Variants in MRPL10 observed in about 807,000 individuals in gnomAD.
The protein encoded by MRPL10 is large ribosomal subunit protein uL10m.
MRPL10 carries 14 observed loss-of-function variants against 19.8 expected under a neutral mutation model. That is an observed-to-expected ratio of 0.71 (90% CI 0.47 to 1.11). The LOEUF is 1.11. Among genes scored for constraint, MRPL10 ranks in the 50% least tolerant of loss-of-function variants. The pLI is 0.00. For missense variants in MRPL10, 318 were observed against 339.6 expected (o/e 0.94, Z 0.50); for synonymous variants, 129 against 139.2 (o/e 0.93, Z 0.52).
At chr17:47,825,045 G>A (rs1598034870) in intron 4 of MRPL10, among the ~76,000 whole-genome samples, 3 of 146,998 alleles carry the variant, frequency 2.0e-5, no homozygotes, top group African/African-American at 5.0e-5. Flanking sequence ...GAATCAGGAT[G>A]AGGTTGGGTA....
rs1176478447 is a variant in MRPL10 at position 47,824,212 on chromosome 17, T to C, written c.779A>G (p.Asp260Gly). 1 of 1,613,902 alleles carries C rather than the reference T, an allele frequency of 6.2e-7. No individual in the cohort carries two copies. Among genetic ancestry groups the C allele is most frequent in the Non-Finnish European group, 8.5e-7 (1 of 1,179,996 alleles). Residue 260 changes from aspartate (D) to glycine (G), a missense_variant, in exon 5 of 5, where the codon GAC becomes GGC. Physicochemically the swap from Asp to Gly is moderately conservative, Grantham distance 94 (BLOSUM62 -1). Transcript: ENST00000351111. ...GCTGGCTAAACAGGCTGGCTACGAG[T>C]CCGGAACAGTGTCAGGATCTGGCTT... is the stretch of plus-strand genomic sequence containing the variant. ...NGKPDPDTVP[D>G]S is the part of the protein sequence containing the mutation.
chr17:47,824,143 T>C lies in MRPL10; in HGVS notation c.*62A>G, dbSNP rs1465395659. On this transcript the variant is annotated 3_prime_UTR_variant, in exon 5 of 5. Transcript: ENST00000351111. ...CCCCAAGTTCTTCCACATGTCCCAT[T>C]GAGGAGAGCACAGCCAATAACGCAG... 6.8e-6 allele frequency: 11 copies of C among 1,607,600 alleles called. No individual in the cohort carries two copies. In the East Asian group the frequency reaches 2.5e-4, roughly 36 times the overall value.
rs2033468364 is a variant in MRPL10, at chr17:47,823,353, G to A, written c.*852C>T. ...TGTGGGAACAGGTATAGGGGAAGAG[G>A]ATTTTCCTAGGAAGGGAAGCAAGAG... On this transcript the variant is annotated 3_prime_UTR_variant, in exon 5 of 5. Transcript: ENST00000351111. 2 of 152,238 alleles carry A rather than the reference G, an allele frequency of 1.3e-5. No individual in the cohort carries two copies. The highest frequency in any genetic ancestry group is 6.5e-5 in the Admixed American group (1 of 15,284). 9.4% of individuals were successfully genotyped at this position (152,238 alleles called of 1,614,324 possible). A position where few individuals can be genotyped will look rare whatever the true frequency, so the allele number is the denominator to read the frequency against.
intron 4 of MRPL10, among the ~76,000 whole-genome samples, chr17:47,825,881 T>C (rs2033524035): frequency 6.6e-6 from 1 of 151,968 alleles, no homozygotes; most frequent in Admixed American, 6.6e-5. Flanking sequence ...GGCTCATGCC[T>C]GTAACCCCAG....
At position 47,824,419 on chromosome 17, in the gene MRPL10, A is replaced by C. The variant is rs1185462631; in HGVS notation, c.572T>G (p.Phe191Cys). Residue 191 changes from phenylalanine (F) to cysteine (C), a missense_variant, in exon 5 of 5, where the codon TTT (phenylalanine) becomes TGT (cysteine). Coordinates refer to ENST00000351111, the MANE Select transcript of MRPL10 (RefSeq NM_145255.4). ...IDDTILSRQG[F>C]INYSKLPSLP... ...GCTGGGGAGCTTGGAGTAGTTGATA[A>C]AGCCCTGCCTGCTGAGGATGGTGTC... The C allele has an allele frequency of 2.5e-6, 4 of 1,576,096 alleles. No individual in the cohort carries two copies. Among genetic ancestry groups the C allele is most frequent in the Non-Finnish European group, 3.4e-6 (4 of 1,159,732 alleles).
chr17:47,828,270 C>T (rs2033567396), intron 2 of MRPL10: 3 of 381,168 alleles, frequency 7.9e-6, no homozygotes, highest in Middle Eastern at 6.8e-4. Flanking sequence ...CTCTCACACA[C>T]ACATTTTTGG....
chr17:47,831,490 T>A lies in MRPL10; in HGVS notation c.22A>T (p.Met8Leu). 6.5e-7 allele frequency: 1 copy of A among 1,546,150 alleles called. No homozygotes were observed. Among genetic ancestry groups the A allele is most frequent in the African/African-American group, 1.4e-5 (1 of 72,992 alleles). Residue 8 changes from methionine (M) to leucine (L), a missense_variant, in exon 1 of 5, where the codon ATG (methionine) becomes TTG (leucine). Physicochemically the swap from Met to Leu is conservative, Grantham distance 15. Coordinates refer to ENST00000351111, the MANE Select transcript of MRPL10 (RefSeq NM_145255.4). MAAAVAG[M>L]LRGGLLPQAG... ...TGGGGCAGGAGACCCCCTCGCAGCA[T>A]CCCCGCCACGGCCGCAGCCATCTCC...
chr17:47,824,208 C>T lies in MRPL10; in HGVS notation c.783G>A (p.Ser261=), dbSNP rs530797630. ...CAGGGCTGGCTAAACAGGCTGGCTA[C>T]GAGTCCGGAACAGTGTCAGGATCTG... ...GKPDPDTVPD[S] is the part of the protein sequence containing the mutation. The change falls in exon 5 of 5, where the codon TCG becomes TCA. Residue 261 remains serine (S), a synonymous_variant. Transcript: ENST00000351111. 6.8e-6 allele frequency: 11 copies of T among 1,614,160 alleles called. No individual in the cohort carries two copies. Among genetic ancestry groups the T allele is most frequent in the East Asian group, 4.5e-5 (2 of 44,878 alleles).
intron 4 of MRPL10, among the ~76,000 whole-genome samples, chr17:47,825,010 G>A (rs1354197982): frequency 4.0e-5 from 4 of 99,494 alleles, no homozygotes; most frequent in Non-Finnish European, 6.0e-5. Context: ...GCAAAACTTC[G>A]TCTCAAAAAA....
intron 4 of MRPL10, among the ~76,000 whole-genome samples, chr17:47,826,191 C>G (rs748574898): frequency 2.0e-5 from 3 of 151,754 alleles, no homozygotes; most frequent in Non-Finnish European, 2.9e-5. Flanking sequence ...CCCGCCCCCT[C>G]CCTACAGAGA....
At position 47,823,778 on chromosome 17, in the gene MRPL10, C is replaced by A; in HGVS notation, c.*427G>T. ...TACATGTACAGCACTCAGCACAAAG[C>A]CTGGCACACAGCAGGCTCTCACCAG... On this transcript the variant is annotated 3_prime_UTR_variant, in exon 5 of 5. Transcript: ENST00000351111. 2 of 269,000 alleles carry A rather than the reference C, an allele frequency of 7.4e-6. No homozygotes were observed. The highest frequency in any genetic ancestry group is 1.4e-5 in the Non-Finnish European group (2 of 138,162). 16.7% of individuals were successfully genotyped at this position (269,000 alleles called of 1,614,324 possible).
At position 47,823,315 on chromosome 17, in the gene MRPL10, G is replaced by A. The variant is rs545886312; in HGVS notation, c.*890C>T. 1.4e-4 allele frequency: 21 copies of A among 152,284 alleles called. No homozygotes were observed. Among genetic ancestry groups the A allele is most frequent in the African/African-American group, 3.9e-4 (16 of 41,540 alleles). 9.4% of individuals were successfully genotyped at this position (152,284 alleles called of 1,614,324 possible). ...GCTGCCTTTAATAGGGCAAGCATGC[G>A]CGGGATGCCATTTGTGGGAACAGGT... On this transcript the variant is annotated 3_prime_UTR_variant, in exon 5 of 5. Transcript: ENST00000351111.
In MRPL10 at chr17:47,824,228, G is replaced by A; in HGVS notation, c.763C>T (p.Pro255Ser). ...SVMSANGKPD[P>S]DTVPDS ...GGCTACGAGTCCGGAACAGTGTCAG[G>A]ATCTGGCTTCCCATTGGCCGACATG... is the stretch of plus-strand genomic sequence containing the variant. The change falls in exon 5 of 5, where the codon CCT becomes TCT. Residue 255 changes from proline (P) to serine (S), a missense_variant. By Grantham distance (74) the Pro-to-Ser change is moderately conservative (BLOSUM62 -1). Transcript: ENST00000351111. The A allele has an allele frequency of 6.2e-7, 1 of 1,614,212 alleles. No homozygotes were observed. The highest frequency in any genetic ancestry group is 8.5e-7 in the Non-Finnish European group (1 of 1,180,042).
chr17:47,830,844 T>A (rs938750135), intron 1 of MRPL10, among the ~76,000 whole-genome samples: 5 of 152,228 alleles, frequency 3.3e-5, no homozygotes, highest in Admixed American at 2.6e-4. Context: ...AATTACTAGC[T>A]GTGACCTTGG....
At chr17:47,831,325 G>C (rs1389918636) in intron 1 of MRPL10, 135 bp downstream of exon 1, 1 of 1,534,648 alleles carries the variant, frequency 6.5e-7, no homozygotes. Context: ...CGAGTCACAA[G>C]GAACTGGACG....
At position 47,824,296 on chromosome 17, in the gene MRPL10, A is replaced by G. The variant is rs1353429847; in HGVS notation, c.695T>C (p.Leu232Pro). The G allele has an allele frequency of 4.3e-6, 7 of 1,614,108 alleles. No homozygotes were observed. The highest frequency in any genetic ancestry group is 4.2e-6 in the Non-Finnish European group (5 of 1,180,022). Residue 232 changes from leucine (L) to proline (P), a missense_variant, in exon 5 of 5, where the codon CTG (leucine) becomes CCG (proline). Transcript: ENST00000351111. ...TTGCTCTCTGATGTACTGGTCCAAC[A>G]GGGTGGTCAGCTGGAGGGGCTGGTG... ...LQHQPLQLTT[L>P]LDQYIREQRE...
At chr17:47,828,460 C>G in intron 2 of MRPL10, 41 bp downstream of exon 2, 2 of 1,349,178 alleles carry the variant, frequency 1.5e-6, no homozygotes, top group Non-Finnish European at 1.9e-6. Context: ...TTTAATCCAC[C>G]ATCCCACCAC....
At position 47,831,467 on chromosome 17, in the gene MRPL10, G is replaced by C; in HGVS notation, c.45C>G (p.Pro15=). The C allele has an allele frequency of 6.5e-7, 1 of 1,549,046 alleles. No homozygotes were observed. The highest frequency in any genetic ancestry group is 8.7e-7 in the Non-Finnish European group (1 of 1,146,766). ...ACCTGGGCCACTCCTTACCCGCCTG[G>C]GGCAGGAGACCCCCTCGCAGCATCC... is the stretch of plus-strand genomic sequence containing the variant. The part of the protein sequence containing the change: ...VAGMLRGGLL[P]QAGRLPTLQT... Residue 15 remains proline (P), a synonymous_variant, in exon 1 of 5, where the codon CCC becomes CCG. Coordinates refer to ENST00000351111, the MANE Select transcript of MRPL10 (RefSeq NM_145255.4).
In MRPL10 at chr17:47,827,221, A is replaced by G. The variant is rs1217439576; in HGVS notation, c.223-17T>C. 5.6e-6 allele frequency: 9 copies of G among 1,596,992 alleles called. No individual in the cohort carries two copies. Among genetic ancestry groups the G allele is most frequent in the Non-Finnish European group, 6.8e-6 (8 of 1,171,688 alleles). On this transcript the variant is annotated splice_polypyrimidine_tract_variant and intron_variant, in intron 2 of 4. Transcript: ENST00000351111. Reference sequence around the variant, plus strand: ...GCCTATCTCCTGAAGTTGGAAAGCAATGACCAAGGGTACATCAGCTGCCAC... The same window carrying G: ...GCCTATCTCCTGAAGTTGGAAAGCAGTGACCAAGGGTACATCAGCTGCCAC...
Sources: allele counts gnomAD v4.1 joint callset (sites outside exome capture counted in the v4.1 genomes callset), GRCh38; gene constraint gnomAD v4.1.1; transcripts MANE v1.5; gene names NCBI Gene and HGNC (gene_info 2026-07-23, HGNC 2026-07-21).